The following CTNNA2 variants were observed in gnomAD, a reference collection of about 807,000 sequenced individuals.
CTNNA2 encodes catenin alpha-2.
A neutral mutation model predicts 101.0 loss-of-function variants in CTNNA2; 42 were observed. That is an observed-to-expected ratio of 0.42 (90% CI 0.32 to 0.54). The LOEUF (loss-of-function observed/expected upper bound fraction) is 0.54. Ranked by LOEUF, CTNNA2 falls within the 20% of genes least tolerant of loss-of-function variation. The pLI is 0.14. For synonymous variants in CTNNA2, 450 were observed against 456.4 expected (o/e 0.99, Z 0.18); for missense variants, 871 against 1,223.1 (o/e 0.71, Z 4.29).
intron 1 of CTNNA2, among the ~76,000 whole-genome samples, chr2:79,527,754 G>T (rs909679360): frequency 6.6e-6 from 1 of 152,114 alleles, no homozygotes; most frequent in Non-Finnish European, 1.5e-5. Flanking sequence ...AAACAGTTTG[G>T]TAGTTTCTCA....
intron 1 of CTNNA2, among the ~76,000 whole-genome samples, chr2:79,556,692 A>T (rs1674467813): frequency 6.6e-6 from 1 of 152,072 alleles, no homozygotes. Context: ...TATGTAAAAT[A>T]GTGCCATTAA....
At chr2:79,533,226 T>A (rs1401908085) in intron 1 of CTNNA2, among the ~76,000 whole-genome samples, 1 of 152,086 alleles carries the variant, frequency 6.6e-6, no homozygotes, top group Non-Finnish European at 1.5e-5. Flanking sequence ...GTATTTGTTG[T>A]CCAGGCTCCA....
intron 7 of CTNNA2, among the ~76,000 whole-genome samples, chr2:80,370,568 G>C (rs1001818550): frequency 1.1e-4 from 16 of 152,000 alleles, no homozygotes; most frequent in African/African-American, 3.4e-4. Context: ...TAACTATCGA[G>C]GAGAAAAAAA....
intron 7 of CTNNA2, among the ~76,000 whole-genome samples, chr2:80,315,356 T>C (rs1257173449): frequency 1.3e-5 from 2 of 152,190 alleles, no homozygotes; most frequent in African/African-American, 4.8e-5. Flanking sequence ...GAGTATAACT[T>C]CTGTGGGGAC....
intron 7 of CTNNA2, among the ~76,000 whole-genome samples, chr2:80,023,980 A>G (rs956160664): frequency 4.7e-5 from 7 of 150,244 alleles, no homozygotes; most frequent in Admixed American, 2.0e-4. Flanking sequence ...CCAGCTACTC[A>G]GGAGGCCGAG....
At chr2:79,908,019 C>A (rs1685541362) in intron 6 of CTNNA2, among the ~76,000 whole-genome samples, 1 of 152,156 alleles carries the variant, frequency 6.6e-6, no homozygotes, top group African/African-American at 2.4e-5. Flanking sequence ...CTGCACACAA[C>A]CTGAACAAAC....
intron 7 of CTNNA2, among the ~76,000 whole-genome samples, chr2:80,283,309 C>A (rs1674526743): frequency 6.6e-6 from 1 of 151,918 alleles, no homozygotes; most frequent in Non-Finnish European, 1.5e-5. Context: ...TTGAACACTA[C>A]CTGGATATTT....
chr2:79,729,842 C>T (rs937548984), intron 2 of CTNNA2, among the ~76,000 whole-genome samples: 2 of 151,994 alleles, frequency 1.3e-5, no homozygotes, highest in Non-Finnish European at 2.9e-5. Context: ...ATGTCACTGG[C>T]ATTTTACCAG....
intron 3 of CTNNA2, among the ~76,000 whole-genome samples, chr2:79,842,141 C>A (rs1226916043): frequency 6.6e-6 from 1 of 152,108 alleles, no homozygotes; most frequent in Non-Finnish European, 1.5e-5. Context: ...TAATTATAAA[C>A]ATATACATTT....
intron 1 of CTNNA2, among the ~76,000 whole-genome samples, chr2:79,621,817 T>G (rs781638467): frequency 6.6e-6 from 1 of 152,170 alleles, no homozygotes; most frequent in African/African-American, 2.4e-5. Flanking sequence ...GTGGACAGTT[T>G]ATGTGATGAT....
chr2:80,492,552 A>G (rs1687145745), intron 9 of CTNNA2, among the ~76,000 whole-genome samples: 1 of 152,016 alleles, frequency 6.6e-6, no homozygotes, highest in African/African-American at 2.4e-5. Context: ...ACCCTTTTTG[A>G]CTCCTCATTT....
chr2:80,315,588 G>C (rs1008063474), intron 7 of CTNNA2, among the ~76,000 whole-genome samples: 1 of 152,134 alleles, frequency 6.6e-6, no homozygotes, highest in South Asian at 2.1e-4. Context: ...GTGATTGTAG[G>C]GTTCCAAGAG....
chr2:79,923,391 C>T (rs543914691), intron 7 of CTNNA2, among the ~76,000 whole-genome samples: 2 of 152,024 alleles, frequency 1.3e-5, no homozygotes, highest in South Asian at 4.2e-4. Context: ...AAAATAAACA[C>T]CTAGTTGCTT....
chr2:79,196,446 C>T (rs1204381826), intron 1 of CTNNA2, among the ~76,000 whole-genome samples: 1 of 152,152 alleles, frequency 6.6e-6, no homozygotes, highest in Non-Finnish European at 1.5e-5. Context: ...GTTGTTTTAA[C>T]TTCTCCTTCA....
chr2:79,603,262 T>A (rs915251742), intron 1 of CTNNA2, among the ~76,000 whole-genome samples: 2 of 152,134 alleles, frequency 1.3e-5, no homozygotes, highest in African/African-American at 4.8e-5. Flanking sequence ...ACAGATGAAT[T>A]AGAGACCCAA....
chr2:79,187,259 T>C (rs1673790397), intron 1 of CTNNA2, among the ~76,000 whole-genome samples: 1 of 111,042 alleles, frequency 9.0e-6, no homozygotes, highest in Non-Finnish European at 1.6e-5. Flanking sequence ...TCTTTTCTTT[T>C]CTTTTCTTTT....
At position 80,140,693 on chromosome 2, in the gene CTNNA2, G is replaced by A. The variant is rs145015268; in HGVS notation, c.1056+230896G>A. 1.5e-3 allele frequency among the ~76,000 whole-genome samples: 227 copies of A among 152,192 alleles called. 2 individuals carry two copies. The Middle Eastern group carries it at 0.017, about 11-fold the overall frequency. On this transcript the variant is annotated intron_variant, in intron 7 of 18. Transcript: ENST00000402739. Reference sequence around the variant, plus strand: ...ATAATCTCATGCCATCCAACACAAGGAAAACACATCCACCTCCCTTTTAAC... The same window carrying A: ...ATAATCTCATGCCATCCAACACAAGAAAAACACATCCACCTCCCTTTTAAC...
intron 2 of CTNNA2, among the ~76,000 whole-genome samples, chr2:79,719,858 C>G (rs961560440): frequency 1.2e-4 from 19 of 152,024 alleles, no homozygotes; most frequent in African/African-American, 4.3e-4. Context: ...TTTACTCTAT[C>G]TACTGTTTCT....
At chr2:79,678,934 A>G (rs1029504580) in intron 2 of CTNNA2, among the ~76,000 whole-genome samples, 1 of 152,180 alleles carries the variant, frequency 6.6e-6, no homozygotes, top group Non-Finnish European at 1.5e-5. Flanking sequence ...TTCTGCATCT[A>G]TAATGGAATG....
Sources: allele counts gnomAD v4.1 joint callset (sites outside exome capture counted in the v4.1 genomes callset), GRCh38; gene constraint gnomAD v4.1.1; transcripts MANE v1.5; gene names NCBI Gene and HGNC (gene_info 2026-07-23, HGNC 2026-07-21).